The following FSTL5 variants were observed in gnomAD, a reference collection of about 807,000 sequenced individuals.
FSTL5 encodes follistatin like 5, also known as follistatin-related protein 5.
A neutral mutation model predicts 89.1 loss-of-function variants in FSTL5; 62 were observed. That is an observed-to-expected ratio of 0.70 (90% CI 0.57 to 0.86). The LOEUF is 0.86. FSTL5 is among the 40% of genes least tolerant of loss of function. The pLI, the probability that FSTL5 is intolerant of heterozygous loss-of-function variation, is 0.00. For missense variants in FSTL5, 1,057 were observed against 1,001.6 expected (o/e 1.06, Z -0.75); for synonymous variants, 383 against 346.2 (o/e 1.11, Z -1.18).
chr4:161,428,609 A>T (rs1402019394), intron 15 of FSTL5, among the ~76,000 whole-genome samples: 2 of 152,174 alleles, frequency 1.3e-5, no homozygotes, highest in Non-Finnish European at 2.9e-5. Flanking sequence ...ACATTTCTAG[A>T]CACACCCTGG....
intron 7 of FSTL5, among the ~76,000 whole-genome samples, chr4:161,610,594 G>A (rs568534551): frequency 1.2e-3 from 177 of 152,158 alleles, no homozygotes; most frequent in Admixed American, 3.0e-3. Context: ...CAAGAAAGTG[G>A]GGAGCATCAT....
chr4:161,851,949 T>C (rs1335688379), intron 4 of FSTL5, among the ~76,000 whole-genome samples: 1 of 151,788 alleles, frequency 6.6e-6, no homozygotes, highest in Non-Finnish European at 1.5e-5. Flanking sequence ...TCACATTTAA[T>C]TTAATTGCAT....
chr4:162,098,829 A>T (rs2111376754), intron 2 of FSTL5, among the ~76,000 whole-genome samples: 1 of 152,242 alleles, frequency 6.6e-6, no homozygotes, highest in Non-Finnish European at 1.5e-5. Context: ...GAGCAAAGAT[A>T]GTATTTTCAA....
rs140185238 is a variant in FSTL5, at chr4:161,684,197, T to C, written c.728-27703A>G. On this transcript the variant is annotated intron_variant, in intron 6 of 15. Transcript: ENST00000306100. Reference sequence around the variant, plus strand: ...GTTGATTGATGGGCATTTAGGTTGGTTCCATGTTTTTGCAATTGCGAATTG... The same window carrying C: ...GTTGATTGATGGGCATTTAGGTTGGCTCCATGTTTTTGCAATTGCGAATTG... Among the ~76,000 whole-genome samples, 14 of 152,314 alleles carry C rather than the reference T, an allele frequency of 9.2e-5. No homozygotes were observed. The East Asian group carries it at 2.3e-3, about 25-fold the overall frequency.
intron 8 of FSTL5, among the ~76,000 whole-genome samples, chr4:161,580,853 C>A (rs908572303): frequency 5.3e-5 from 8 of 152,090 alleles, no homozygotes; most frequent in Admixed American, 1.3e-4. Flanking sequence ...TAAGTAAAAT[C>A]TTAAGGAACA....
chr4:162,158,226 C>T (rs1287065052), intron 1 of FSTL5, among the ~76,000 whole-genome samples: 1 of 152,156 alleles, frequency 6.6e-6, no homozygotes, highest in Non-Finnish European at 1.5e-5. Flanking sequence ...AGAAAAACAA[C>T]TTGAACTCCT....
At chr4:161,976,438 T>C (rs1380515300) in intron 3 of FSTL5, among the ~76,000 whole-genome samples, 1 of 152,188 alleles carries the variant, frequency 6.6e-6, no homozygotes, top group Non-Finnish European at 1.5e-5. Flanking sequence ...TAGTCGTTTT[T>C]AAATATTTAT....
At chr4:162,078,515 A>G (rs570162835) in intron 2 of FSTL5, among the ~76,000 whole-genome samples, 1 of 151,946 alleles carries the variant, frequency 6.6e-6, no homozygotes, top group Admixed American at 6.6e-5. Context: ...CCGTTCTCCC[A>G]TCTCCCAGAG....
chr4:161,980,232 G>T (rs1735782304), intron 3 of FSTL5, among the ~76,000 whole-genome samples: 1 of 140,206 alleles, frequency 7.1e-6, no homozygotes, highest in Non-Finnish European at 1.6e-5. Context: ...AAGAAAGGAA[G>T]AAAGAAGAAA....
At chr4:161,859,296 C>A (rs960011684) in intron 4 of FSTL5, among the ~76,000 whole-genome samples, 8 of 152,170 alleles carry the variant, frequency 5.3e-5, no homozygotes, top group East Asian at 1.9e-4. Flanking sequence ...AATTTACAAA[C>A]CTTTCTCAGC....
intron 6 of FSTL5, among the ~76,000 whole-genome samples, chr4:161,727,592 C>T (rs1357598943): frequency 6.6e-6 from 1 of 152,148 alleles, no homozygotes; most frequent in Non-Finnish European, 1.5e-5. Context: ...TATTCCCTGA[C>T]CAGTTCTAAC....
intron 15 of FSTL5, among the ~76,000 whole-genome samples, chr4:161,416,064 A>C (rs1263624418): frequency 6.6e-6 from 1 of 152,096 alleles, no homozygotes; most frequent in Non-Finnish European, 1.5e-5. Context: ...TTTGAGGCCA[A>C]TTCATCAACC....
At chr4:161,444,132 A>G (rs1212627631) in intron 15 of FSTL5, among the ~76,000 whole-genome samples, 1 of 151,988 alleles carries the variant, frequency 6.6e-6, no homozygotes, top group Non-Finnish European at 1.5e-5. Context: ...AACAGAGTAG[A>G]GAACCGTATG....
intron 7 of FSTL5, among the ~76,000 whole-genome samples, chr4:161,642,566 A>G (rs1578989836): frequency 6.6e-6 from 1 of 152,294 alleles, no homozygotes. Flanking sequence ...ATTAAATTTA[A>G]AAAGGTTACG....
intron 5 of FSTL5, among the ~76,000 whole-genome samples, chr4:161,764,467 C>T (rs1046798099): frequency 3.9e-5 from 6 of 152,086 alleles, no homozygotes; most frequent in Non-Finnish European, 7.3e-5. Context: ...CCATGTTGGC[C>T]AGGCTGGACT....
intron 6 of FSTL5, among the ~76,000 whole-genome samples, chr4:161,753,126 C>G (rs1579068413): frequency 6.6e-6 from 1 of 152,114 alleles, no homozygotes; most frequent in African/African-American, 2.4e-5. Flanking sequence ...CTTGAATGAC[C>G]CAACCTTCTG....
At chr4:161,938,748 A>C (rs1228135004) in intron 3 of FSTL5, among the ~76,000 whole-genome samples, 2 of 152,032 alleles carry the variant, frequency 1.3e-5, no homozygotes, top group East Asian at 3.9e-4. Flanking sequence ...CTACTTTGTC[A>C]GAGCACTTGG....
chr4:161,507,125 C>T (rs1248822364), intron 11 of FSTL5, among the ~76,000 whole-genome samples: 1 of 151,854 alleles, frequency 6.6e-6, no homozygotes, highest in Non-Finnish European at 1.5e-5. Flanking sequence ...ACTGAATCAT[C>T]CTAAATCTCT....
At chr4:161,744,787 T>C (rs747472658) in intron 6 of FSTL5, among the ~76,000 whole-genome samples, 1 of 152,130 alleles carries the variant, frequency 6.6e-6, no homozygotes, top group Non-Finnish European at 1.5e-5. Context: ...TATATTATCA[T>C]GCAAATGTGA....
Sources: allele counts gnomAD v4.1 joint callset (sites outside exome capture counted in the v4.1 genomes callset), GRCh38; gene constraint gnomAD v4.1.1; transcripts MANE v1.5; gene names NCBI Gene and HGNC (gene_info 2026-07-23, HGNC 2026-07-21).